The following USP37 variants were observed in gnomAD, a reference collection of about 807,000 sequenced individuals.
The protein encoded by USP37 is ubiquitin specific peptidase 37.
Under a neutral mutation model 124.0 loss-of-function variants are expected in USP37, and 27 were observed. That is an observed-to-expected ratio of 0.22 (90% CI 0.16 to 0.30). The LOEUF (loss-of-function observed/expected upper bound fraction) is 0.30, where lower values mean the gene tolerates loss of function less well. Ranked by LOEUF, USP37 falls within the 10% of genes least tolerant of loss-of-function variation. The pLI is 1.00. For missense variants in USP37, 889 were observed against 1,140.4 expected, an observed-to-expected ratio of 0.78 and a Z score of 3.17; for synonymous variants, 365 against 388.0, an observed-to-expected ratio of 0.94 and a Z score of 0.70.
chr2:218,515,983 T>C (rs1690255353), intron 10 of USP37, among the ~76,000 whole-genome samples: 1 of 152,078 alleles, frequency 6.6e-6, no homozygotes, highest in African/African-American at 2.4e-5. Context: ...AAAACCACAA[T>C]GAGATACCAT....
At chr2:218,525,914 C>G (rs951779572) in intron 10 of USP37, among the ~76,000 whole-genome samples, 6 of 152,158 alleles carry the variant, frequency 3.9e-5, no homozygotes, top group Non-Finnish European at 8.8e-5. Flanking sequence ...CATTCAGCTC[C>G]CACCTATAAG....
intron 5 of USP37, among the ~76,000 whole-genome samples, 199 bp from the exon 6 acceptor site, chr2:218,550,108 T>C: frequency 2.0e-5 from 3 of 152,124 alleles, no homozygotes; most frequent in Middle Eastern, 6.8e-3. Flanking sequence ...AGAGCTAGAA[T>C]CTGAAGCAAA....
intron 9 of USP37, among the ~76,000 whole-genome samples, chr2:218,532,628 A>C (rs1478010863): frequency 6.6e-6 from 1 of 151,816 alleles, no homozygotes; most frequent in Non-Finnish European, 1.5e-5. Flanking sequence ...TTTGCAATAA[A>C]CTATTTTAAA....
intron 10 of USP37, among the ~76,000 whole-genome samples, chr2:218,520,345 CTTTT>C (rs542332442): frequency 4.0e-5 from 5 of 125,890 alleles, no homozygotes; most frequent in Admixed American, 8.7e-5. Flanking sequence ...TTGCCAACAG[CTTTT>C]TTTTTTTTTT....
chr2:218,489,638 C>G (rs1400803091), intron 14 of USP37, among the ~76,000 whole-genome samples: 2 of 151,872 alleles, frequency 1.3e-5, no homozygotes, highest in African/African-American at 4.8e-5. Flanking sequence ...CACCACCACG[C>G]CTGGCTAATT....
At chr2:218,525,341 G>A (rs1690897357) in intron 10 of USP37, among the ~76,000 whole-genome samples, 1 of 152,140 alleles carries the variant, frequency 6.6e-6, no homozygotes, top group Non-Finnish European at 1.5e-5. Flanking sequence ...AAAATAGCCA[G>A]GTGTGGTGGC....
At chr2:218,562,456 C>A (rs1330418906) in intron 2 of USP37, among the ~76,000 whole-genome samples, 2 of 152,130 alleles carry the variant, frequency 1.3e-5, no homozygotes, top group Admixed American at 1.3e-4. Flanking sequence ...CTCAAAGCAA[C>A]AATATTAGCA....
At chr2:218,475,069 AT>A in intron 19 of USP37, 184 bp from the exon 20 acceptor site, 1 of 457,618 alleles carries the variant, frequency 2.2e-6, no homozygotes, top group Non-Finnish European at 3.7e-6. Context: ...TAATAAATAC[AT>A]AAGAATACAT....
At chr2:218,481,975 A>G in intron 17 of USP37, 95 bp downstream of exon 17, 1 of 1,385,530 alleles carries the variant, frequency 7.2e-7, no homozygotes, top group Non-Finnish European at 9.8e-7. Context: ...TTTACCTTGG[A>G]GTCATATTAT....
chr2:218,529,212 T>C (rs1461707318), intron 10 of USP37, among the ~76,000 whole-genome samples: 2 of 152,136 alleles, frequency 1.3e-5, no homozygotes, highest in Non-Finnish European at 2.9e-5. Context: ...TTTAAAAAAT[T>C]TTCTGTAGAG....
At chr2:218,468,185 C>T (rs1252502837) in intron 20 of USP37, among the ~76,000 whole-genome samples, 5 of 151,754 alleles carry the variant, frequency 3.3e-5, no homozygotes, top group South Asian at 2.1e-4. Context: ...CCACCATACC[C>T]GGCAATTTCA....
chr2:218,499,714 GT>G (rs111692505), intron 11 of USP37, among the ~76,000 whole-genome samples: 7,436 of 152,180 alleles, frequency 0.049, 516 homozygotes, highest in African/African-American at 0.16. Flanking sequence ...TTAATCTGGA[GT>G]AAGTCCTCAG....
intron 15 of USP37, among the ~76,000 whole-genome samples, chr2:218,488,045 C>T (rs1691673734): frequency 1.3e-5 from 2 of 151,366 alleles, no homozygotes; most frequent in African/African-American, 4.9e-5. Flanking sequence ...ATTCACCAGA[C>T]ATGGTGGCAT....
At chr2:218,457,893 C>CA (rs1423769101) in intron 23 of USP37, among the ~76,000 whole-genome samples, 1 of 151,468 alleles carries the variant, frequency 6.6e-6, no homozygotes, top group Non-Finnish European at 1.5e-5. Flanking sequence ...TAAAAAAACA[C>CA]AAAAAATTAG....
chr2:218,567,318 C>T (rs1477363323), intron 1 of USP37, among the ~76,000 whole-genome samples: 1 of 152,156 alleles, frequency 6.6e-6, no homozygotes, highest in African/African-American at 2.4e-5. Context: ...TATTAAACAG[C>T]AGGAATTCGT....
At chr2:218,471,101 G>C (rs961556819) in intron 20 of USP37, among the ~76,000 whole-genome samples, 7 of 152,202 alleles carry the variant, frequency 4.6e-5, no homozygotes, top group Non-Finnish European at 1.0e-4. Context: ...TCCTGAGTTT[G>C]AGGAAAGTCC....
At position 218,529,976 on chromosome 2, in the gene USP37, A is replaced by C. The variant is rs1691222131; in HGVS notation, c.843T>G (p.Ser281=). 6.2e-7 allele frequency: 1 copy of C among 1,613,336 alleles called. No homozygotes were observed. The highest frequency in any genetic ancestry group is 8.5e-7 in the Non-Finnish European group (1 of 1,179,852). Residue 281 remains serine (S), a synonymous_variant, in exon 10 of 26, where the codon TCT becomes TCG. Transcript: ENST00000258399. ...CATACCTGTCTAAGTTAGTGCCACC[A>C]GAAGAGTGTTCCTTGGATCCAGCTC... is the stretch of plus-strand genomic sequence containing the variant. ...GSRAGSKEHS[S]GGTNLDRTNV... is the part of the protein sequence containing the mutation.
intron 8 of USP37, among the ~76,000 whole-genome samples, chr2:218,535,889 C>T (rs1411050432): frequency 6.6e-6 from 1 of 150,622 alleles, no homozygotes; most frequent in African/African-American, 2.4e-5. Context: ...TGGTGGCAGG[C>T]GTCTGTGATC....
chr2:218,555,332 GATAA>G lies in USP37; in HGVS notation c.157-1612_157-1609del, dbSNP rs1312315110. ...GAAAATTGACTTTTGTTAATTATTA[GATAA>G]GAATGAAAAACAATTTTGCCAATTT... On this transcript the variant is annotated intron_variant, in intron 4 of 25. Coordinates refer to ENST00000258399, the MANE Select transcript of USP37 (RefSeq NM_020935.3). Among the ~76,000 whole-genome samples the G allele has an allele frequency of 3.7e-5, 5 of 135,520 alleles. No homozygotes were observed. The East Asian group carries it at 9.9e-4, about 27-fold the overall frequency. 88.9% of individuals were successfully genotyped at this position (135,520 alleles called of 152,430 possible).
Sources: gnomAD v4.1 joint callset for allele counts (sites outside exome capture counted in the v4.1 genomes callset) on GRCh38, gnomAD v4.1.1 for gene constraint, MANE v1.5 for transcripts, NCBI Gene and HGNC (gene_info 2026-07-23, HGNC 2026-07-21) for gene names.